Variants in CWC27 observed in about 807,000 individuals in gnomAD.
The protein encoded by CWC27 is spliceosome-associated protein CWC27 homolog.
A neutral mutation model predicts 63.6 loss-of-function variants in CWC27; 47 were observed. The ratio of observed to expected loss-of-function variants is 0.74; its 90% CI spans 0.58 to 0.94. The LOEUF (loss-of-function observed/expected upper bound fraction) is 0.94, where lower values mean the gene tolerates loss of function less well. Ranked by LOEUF, CWC27 falls within the 40% of genes least tolerant of loss-of-function variation. CWC27 has a pLI of 0.00. For missense variants in CWC27, 495 were observed against 554.3 expected (o/e 0.89, Z 1.07); for synonymous variants, 175 against 179.8 (o/e 0.97, Z 0.22).
intron 10 of CWC27, among the ~76,000 whole-genome samples, chr5:64,857,466 T>G (rs1746282493): frequency 6.6e-6 from 1 of 152,244 alleles, no homozygotes; most frequent in African/African-American, 2.4e-5. Flanking sequence ...CTGGAGGGCA[T>G]ATCGAGTAGG....
intron 10 of CWC27, among the ~76,000 whole-genome samples, chr5:64,867,947 G>GTT (rs1321775256): frequency 2.2e-5 from 3 of 138,100 alleles, no homozygotes; most frequent in Admixed American, 6.9e-5. Flanking sequence ...TTGGGGGGGG[G>GTT]GCTGTTGTTG....
intron 10 of CWC27, among the ~76,000 whole-genome samples, chr5:64,868,702 A>G (rs1424535893): frequency 1.3e-5 from 2 of 151,814 alleles, no homozygotes; most frequent in South Asian, 2.1e-4. Context: ...ACCTGACCCT[A>G]TTTTCTTAAG....
intron 2 of CWC27, among the ~76,000 whole-genome samples, chr5:64,776,803 G>A (rs746464489): frequency 6.6e-6 from 1 of 151,960 alleles, no homozygotes; most frequent in Non-Finnish European, 1.5e-5. Context: ...GAATTTAAAA[G>A]CAAATGAATA....
At chr5:64,962,235 A>T (rs1033110875) in intron 11 of CWC27, among the ~76,000 whole-genome samples, 7 of 152,200 alleles carry the variant, frequency 4.6e-5, no homozygotes, top group African/African-American at 1.7e-4. Flanking sequence ...TCTCCTACAA[A>T]TCTATAGAAA....
intron 4 of CWC27, among the ~76,000 whole-genome samples, chr5:64,784,832 C>T (rs529643033): frequency 6.6e-6 from 1 of 152,168 alleles, no homozygotes; most frequent in Admixed American, 6.5e-5. Flanking sequence ...TTCTTTTGAG[C>T]CACTCCAGCA....
chr5:64,943,677 T>C (rs976132364), intron 11 of CWC27, among the ~76,000 whole-genome samples: 1 of 152,218 alleles, frequency 6.6e-6, no homozygotes, highest in Non-Finnish European at 1.5e-5. Flanking sequence ...CTACCTATAT[T>C]GCAAAGTTCC....
chr5:64,902,984 T>G (rs1400138340), intron 11 of CWC27, among the ~76,000 whole-genome samples: 1 of 152,198 alleles, frequency 6.6e-6, no homozygotes, highest in Non-Finnish European at 1.5e-5. Context: ...CTACCATAAA[T>G]GGTATTGTCT....
chr5:65,004,498 T>C (rs190327039), intron 13 of CWC27, among the ~76,000 whole-genome samples: 8 of 151,620 alleles, frequency 5.3e-5, no homozygotes, highest in African/African-American at 1.9e-4. Context: ...CTCTCAGTTT[T>C]TTTGTTTCAT....
chr5:64,771,292 A>G (rs751208082), intron 1 of CWC27, among the ~76,000 whole-genome samples: 1 of 152,232 alleles, frequency 6.6e-6, no homozygotes, highest in African/African-American at 2.4e-5. Flanking sequence ...TGCCTTTACT[A>G]TCTAATGGTA....
chr5:64,886,385 A>T (rs2112345009), intron 11 of CWC27, among the ~76,000 whole-genome samples: 1 of 152,272 alleles, frequency 6.6e-6, no homozygotes, highest in East Asian at 1.9e-4. Context: ...CTTATAATGT[A>T]TACTAAGTTT....
intron 2 of CWC27, among the ~76,000 whole-genome samples, chr5:64,776,522 A>G (rs1030258438): frequency 6.6e-6 from 1 of 152,110 alleles, no homozygotes; most frequent in Non-Finnish European, 1.5e-5. Context: ...GAAAGAATAG[A>G]AAAATAATTT....
chr5:64,870,674 T>C (rs1298697429), intron 10 of CWC27, among the ~76,000 whole-genome samples: 1 of 151,900 alleles, frequency 6.6e-6, no homozygotes, highest in Non-Finnish European at 1.5e-5. Flanking sequence ...AAAAAGAAAC[T>C]TCTTTTTTTC....
intron 5 of CWC27, among the ~76,000 whole-genome samples, chr5:64,786,117 A>C (rs1282799159): frequency 2.0e-5 from 3 of 149,552 alleles, no homozygotes; most frequent in African/African-American, 7.4e-5. Flanking sequence ...GTGAGCCAAG[A>C]TCACGCCACT....
chr5:64,859,578 G>T (rs1262121848), intron 10 of CWC27, among the ~76,000 whole-genome samples: 1 of 152,154 alleles, frequency 6.6e-6, no homozygotes, highest in East Asian at 1.9e-4. Flanking sequence ...CACAGTATAA[G>T]AATTGATAGT....
chr5:64,774,427 T>A (rs1743368241), intron 1 of CWC27, among the ~76,000 whole-genome samples: 1 of 152,256 alleles, frequency 6.6e-6, no homozygotes, highest in Non-Finnish European at 1.5e-5. Flanking sequence ...GAATGAAGTT[T>A]TTTTCTGTGA....
At chr5:64,785,992 G>A (rs1275656846) in intron 5 of CWC27, among the ~76,000 whole-genome samples, 1 of 151,666 alleles carries the variant, frequency 6.6e-6, no homozygotes, top group Non-Finnish European at 1.5e-5. Flanking sequence ...GTGAAACCCT[G>A]TGTCTACTAA....
rs553627965 is a variant in CWC27 at position 64,785,465 on chromosome 5, A to G, written c.397-16A>G. On this transcript the variant is annotated splice_polypyrimidine_tract_variant and intron_variant, in intron 4 of 13. Coordinates refer to ENST00000381070, the MANE Select transcript of CWC27 (RefSeq NM_005869.4). ...GTGCAATAATTTTCAATTACATTAT[A>G]TTTTTAATTTGATAGGTTACAGGGG... 8.2e-6 allele frequency: 10 copies of G among 1,224,932 alleles called. No homozygotes were observed. In the East Asian group the frequency reaches 2.5e-4, roughly 31 times the overall value. 75.9% of individuals were successfully genotyped at this position (1,224,932 alleles called of 1,614,324 possible). A position where few individuals can be genotyped will look rare whatever the true frequency, so the allele number is the denominator to read the frequency against.
chr5:64,777,482 G>A (rs751518949), intron 2 of CWC27, among the ~76,000 whole-genome samples: 5 of 152,076 alleles, frequency 3.3e-5, no homozygotes, highest in Admixed American at 1.3e-4. Flanking sequence ...ACTTTAAAGT[G>A]CAAGTATAAA....
chr5:64,859,632 G>A (rs1290012499), intron 10 of CWC27, among the ~76,000 whole-genome samples: 3 of 152,220 alleles, frequency 2.0e-5, no homozygotes, highest in East Asian at 1.9e-4. Context: ...GATATATCAG[G>A]AATGGTAGAG....
Sources: allele counts gnomAD v4.1 joint callset (sites outside exome capture counted in the v4.1 genomes callset), GRCh38; gene constraint gnomAD v4.1.1; transcripts MANE v1.5; gene names NCBI Gene and HGNC (gene_info 2026-07-23, HGNC 2026-07-21).